Variants in SLC28A3 observed in about 807,000 individuals in gnomAD.
The protein encoded by SLC28A3 is solute carrier family 28 member 3, also known as concentrative Na(+)-nucleoside cotransporter 3.
Under a neutral mutation model 84.2 loss-of-function variants are expected in SLC28A3, and 68 were observed. The observed-to-expected ratio is 0.81, with a 90% CI of 0.66 to 0.99. The LOEUF (loss-of-function observed/expected upper bound fraction) is 0.99. Ranked by LOEUF, SLC28A3 falls within the 50% of genes least tolerant of loss-of-function variation. SLC28A3 has a pLI of 0.00. For synonymous variants in SLC28A3, 267 were observed against 303.6 expected, an observed-to-expected ratio of 0.88 and a Z score of 1.25; for missense variants, 712 against 841.5, an observed-to-expected ratio of 0.85 and a Z score of 1.90.
chr9:84,320,948 A>G (rs1464791979), intron 1 of SLC28A3, among the ~76,000 whole-genome samples: 1 of 149,854 alleles, frequency 6.7e-6, no homozygotes, highest in Non-Finnish European at 1.5e-5. Flanking sequence ...CCTGGGCGAC[A>G]AGAACAAGAC....
At chr9:84,340,973 T>G (rs1290670266), upstream of SLC28A3, among the ~76,000 whole-genome samples, 1 of 151,724 alleles carries the variant, frequency 6.6e-6, no homozygotes, top group Non-Finnish European at 1.5e-5. Flanking sequence ...TCTTTTTCTT[T>G]CTTTCTTTCT....
Position 84,298,015 on chromosome 9 carries a change from T to G in SLC28A3, c.674A>C (p.Tyr225Ser). ...FLFSKYPTRVYWRPVLWGIGL... is the reference protein window; with the variant it reads ...FLFSKYPTRVSWRPVLWGIGL... The stretch of plus-strand genomic sequence containing the variant: ...GATTCCCCATAAGACAGGTCTCCAG[T>G]AAACCTATACAGAAAGATCAAGTGA... The change falls in exon 7 of 18, where the codon TAC becomes TCC. Residue 225 changes from tyrosine (Y) to serine (S), a missense_variant. Coordinates refer to ENST00000376238, the MANE Select transcript of SLC28A3 (RefSeq NM_001199633.2). 1 of 1,609,032 alleles carries G rather than the reference T, an allele frequency of 6.2e-7. No homozygotes were observed. The highest frequency in any genetic ancestry group is 1.1e-5 in the South Asian group (1 of 89,798).
chr9:84,283,802 C>T (rs1316472960), intron 14 of SLC28A3, among the ~76,000 whole-genome samples: 4 of 152,294 alleles, frequency 2.6e-5, no homozygotes, highest in Admixed American at 1.3e-4. Flanking sequence ...CCACATGGTA[C>T]GTTCTGTTCT....
Position 84,297,889 on chromosome 9 carries a change from T to A in SLC28A3, c.783+17A>T. On this transcript the variant is annotated intron_variant, in intron 7 of 17. Coordinates refer to ENST00000376238, the MANE Select transcript of SLC28A3 (RefSeq NM_001199633.2). Reference sequence around the variant, plus strand: ...AAAGCACCATAAAAGCAAAGTGTTCTTTTGAACCAAACTTACCTGAACTTG... The same window carrying A: ...AAAGCACCATAAAAGCAAAGTGTTCATTTGAACCAAACTTACCTGAACTTG... The A allele has an allele frequency of 6.3e-7, 1 of 1,586,074 alleles. No homozygotes were observed.
chr9:84,360,515 T>C, the SLC28A3 span, among the ~76,000 whole-genome samples: 1 of 151,802 alleles, frequency 6.6e-6, no homozygotes, highest in South Asian at 2.1e-4. Context: ...GAGATAAAAA[T>C]GTGAGTTGGC....
At chr9:84,337,942 C>T (rs920511236) in intron 1 of SLC28A3, among the ~76,000 whole-genome samples, 3 of 152,208 alleles carry the variant, frequency 2.0e-5, no homozygotes, top group Non-Finnish European at 4.4e-5. Flanking sequence ...CCTGTTTAAC[C>T]TTTCCCACTG....
At chr9:84,310,792 A>G (rs9792448) in intron 2 of SLC28A3, among the ~76,000 whole-genome samples, 35,538 of 152,012 alleles carry the variant, frequency 0.23, 4,487 homozygotes, top group East Asian at 0.52. Flanking sequence ...CTTCTGAGGA[A>G]GGGCTGGAGT....
chr9:84,361,237 C>G, the SLC28A3 span, among the ~76,000 whole-genome samples: 1 of 151,806 alleles, frequency 6.6e-6, no homozygotes, highest in East Asian at 1.9e-4. Context: ...CCCAGTTACT[C>G]GGGAGGCTGA....
chr9:84,317,884 A>T (rs183382245), intron 1 of SLC28A3, among the ~76,000 whole-genome samples: 7 of 152,340 alleles, frequency 4.6e-5, no homozygotes, highest in African/African-American at 1.4e-4. Context: ...AATTAGACTT[A>T]TCAAAATCAA....
intron 1 of SLC28A3, among the ~76,000 whole-genome samples, chr9:84,315,860 A>G (rs1258352576): frequency 6.6e-6 from 1 of 152,180 alleles, no homozygotes; most frequent in African/African-American, 2.4e-5. Context: ...TTAGCAACTC[A>G]CATTACTAAA....
chr9:84,279,902 T>C, intron 16 of SLC28A3, 73 bp downstream of exon 16: 2 of 1,438,384 alleles, frequency 1.4e-6, no homozygotes, highest in Non-Finnish European at 1.9e-6. Context: ...ACATGCAAGC[T>C]GGAGGCACTG....
chr9:84,282,915 T>G (rs1326525457), intron 14 of SLC28A3, among the ~76,000 whole-genome samples: 2 of 152,226 alleles, frequency 1.3e-5, no homozygotes, highest in African/African-American at 4.8e-5. Flanking sequence ...TTTGTTGATA[T>G]TTTCCATCAG....
At chr9:84,300,559 C>T (rs1352860279) in intron 5 of SLC28A3, among the ~76,000 whole-genome samples, 1 of 152,186 alleles carries the variant, frequency 6.6e-6, no homozygotes, top group African/African-American at 2.4e-5. Flanking sequence ...AGAAAGCCTG[C>T]AGTGTTGGGA....
At chr9:84,332,573 A>C (rs890603855) in intron 1 of SLC28A3, among the ~76,000 whole-genome samples, 1 of 152,172 alleles carries the variant, frequency 6.6e-6, no homozygotes, top group African/African-American at 2.4e-5. Flanking sequence ...CAGAAGGAAA[A>C]ACTGAGAGAA....
At chr9:84,301,569 G>T (rs1825639073) in intron 5 of SLC28A3, among the ~76,000 whole-genome samples, 1 of 152,108 alleles carries the variant, frequency 6.6e-6, no homozygotes, top group Non-Finnish European at 1.5e-5. Flanking sequence ...CATGTTCTAT[G>T]ATCCTCATTT....
chr9:84,360,913 AAATAAT>A, the SLC28A3 span, among the ~76,000 whole-genome samples: 1 of 152,020 alleles, frequency 6.6e-6, no homozygotes, highest in African/African-American at 2.4e-5. Context: ...CAAAATAAAT[AAATAAT>A]AATAATAATA....
intron 5 of SLC28A3, among the ~76,000 whole-genome samples, chr9:84,301,375 G>GAA (rs1489585038): frequency 3.8e-5 from 4 of 103,996 alleles, no homozygotes; most frequent in Admixed American, 9.9e-5. Context: ...AAAAAAAAAA[G>GAA]AAAAGGCTGT....
intron 1 of SLC28A3, among the ~76,000 whole-genome samples, chr9:84,314,094 G>A (rs4877839): frequency 0.11 from 17,021 of 152,106 alleles, 1,096 homozygotes; most frequent in Admixed American, 0.19. Flanking sequence ...GAACTAAAAC[G>A]TGGTAAACCA....
At chr9:84,361,188 C>CA in the SLC28A3 span, among the ~76,000 whole-genome samples, 2 of 151,784 alleles carry the variant, frequency 1.3e-5, no homozygotes, top group Non-Finnish European at 2.9e-5. Flanking sequence ...TACTAAAATA[C>CA]AAAAAAATTA....
Sources: allele counts gnomAD v4.1 joint callset (sites outside exome capture counted in the v4.1 genomes callset), GRCh38; gene constraint gnomAD v4.1.1; transcripts MANE v1.5; gene names NCBI Gene and HGNC (gene_info 2026-07-23, HGNC 2026-07-21).